DLGAP2: variants seen among roughly 807,000 people sequenced by gnomAD.
DLGAP2 encodes the protein DLG associated protein 2.
Under a neutral mutation model 100.3 loss-of-function variants are expected in DLGAP2, and 26 were observed. The observed-to-expected ratio is 0.26, with a 90% confidence interval of 0.19 to 0.36. The LOEUF (loss-of-function observed/expected upper bound fraction) is 0.36, where lower values mean the gene tolerates loss of function less well. DLGAP2 is among the 10% of genes least tolerant of loss of function. The pLI, the probability that DLGAP2 is intolerant of heterozygous loss-of-function variation, is 1.00. For synonymous variants in DLGAP2, 886 were observed against 630.1 expected (o/e 1.41, Z -6.08); for missense variants, 1,858 against 1,453.2 (o/e 1.28, Z -4.53).
chr8:908,558 A>G (rs1272644973), intron 2 of DLGAP2, among the ~76,000 whole-genome samples: 2 of 152,246 alleles, frequency 1.3e-5, no homozygotes, highest in East Asian at 3.8e-4. Flanking sequence ...TTAAGGAAAC[A>G]TGACGGAGAA....
At position 1,601,945 on chromosome 8, in the gene DLGAP2, G is replaced by GGTGTGTGTGTGTGTGTGT. The variant is rs55762722; in HGVS notation, c.1443-24777_1443-24760dup. On this transcript the variant is annotated intron_variant, in intron 6 of 14. Coordinates refer to ENST00000637795, the MANE Select transcript of DLGAP2 (RefSeq NM_001346810.2). ...TGATCCTAAAACCTTAATTTAACAG[G>GGTGTGTGTGTGTGTGTGT]GTGTGTGTGTGTGTGTGTGTGTGTG... Among the ~76,000 whole-genome samples, 235 of 146,346 alleles carry GGTGTGTGTGTGTGTGTGT rather than the reference G, an allele frequency of 1.6e-3. 2 individuals carry two copies. The highest frequency in any genetic ancestry group is 3.3e-3 in the Admixed American group (48 of 14,696).
chr8:1,309,535 C>T (rs1800565234), intron 3 of DLGAP2, among the ~76,000 whole-genome samples: 1 of 152,158 alleles, frequency 6.6e-6, no homozygotes, highest in African/African-American at 2.4e-5. Flanking sequence ...GGAAGTAAGA[C>T]ATTCCCAGAT....
intron 3 of DLGAP2, among the ~76,000 whole-genome samples, chr8:1,376,881 C>A (rs2129741069): frequency 6.6e-6 from 1 of 152,346 alleles, no homozygotes; most frequent in South Asian, 2.1e-4. Flanking sequence ...AGGAAATGGC[C>A]TCAGAGCAAG....
At chr8:813,064 A>G (rs553425001) in intron 1 of DLGAP2, among the ~76,000 whole-genome samples, 32 of 152,350 alleles carry the variant, frequency 2.1e-4, no homozygotes, top group African/African-American at 6.0e-4. Flanking sequence ...ATGCTTTGCT[A>G]TAGCTGCTTC....
intron 2 of DLGAP2, among the ~76,000 whole-genome samples, chr8:931,204 A>C (rs1798948189): frequency 6.6e-6 from 1 of 152,100 alleles, no homozygotes; most frequent in Non-Finnish European, 1.5e-5. Flanking sequence ...TGGTCCTGGG[A>C]CAGGCGGGTG....
chr8:1,191,325 C>T (rs933622935), intron 2 of DLGAP2, among the ~76,000 whole-genome samples: 6 of 152,014 alleles, frequency 3.9e-5, no homozygotes, highest in Admixed American at 1.3e-4. Flanking sequence ...CACCCGCCAC[C>T]ACGCCCGGCT....
At chr8:863,850 C>G (rs952269958) in intron 1 of DLGAP2, among the ~76,000 whole-genome samples, 1 of 152,202 alleles carries the variant, frequency 6.6e-6, no homozygotes, top group African/African-American at 2.4e-5. Context: ...AGCAATCCCA[C>G]TACTGGCTAC....
intron 3 of DLGAP2, among the ~76,000 whole-genome samples, chr8:1,345,035 C>A (rs1048480240): frequency 6.6e-6 from 1 of 152,198 alleles, no homozygotes; most frequent in Non-Finnish European, 1.5e-5. Flanking sequence ...ATTCATCTTT[C>A]AGAGGAATCA....
chr8:1,681,816 G>C (rs1384806369), intron 12 of DLGAP2, among the ~76,000 whole-genome samples: 1 of 152,196 alleles, frequency 6.6e-6, no homozygotes, highest in Non-Finnish European at 1.5e-5. Flanking sequence ...TTAAGATCTT[G>C]CCCCAAATCA....
At chr8:1,220,166 C>G (rs1798288924) in intron 2 of DLGAP2, among the ~76,000 whole-genome samples, 2 of 152,020 alleles carry the variant, frequency 1.3e-5, no homozygotes, top group African/African-American at 4.8e-5. Context: ...GTTAGGTTTG[C>G]TCTTGGTTTT....
chr8:1,195,937 A>T (rs1027379110), intron 2 of DLGAP2, among the ~76,000 whole-genome samples: 4 of 152,176 alleles, frequency 2.6e-5, no homozygotes, highest in African/African-American at 9.7e-5. Flanking sequence ...TTTTGTTTCA[A>T]CTTAATTAAT....
chr8:1,060,053 C>T (rs954893706), intron 2 of DLGAP2, among the ~76,000 whole-genome samples: 1 of 152,172 alleles, frequency 6.6e-6, no homozygotes, highest in African/African-American at 2.4e-5. Context: ...ATCTCAGGAC[C>T]TGAGTCTGGG....
intron 1 of DLGAP2, among the ~76,000 whole-genome samples, chr8:856,825 A>G (rs961962335): frequency 2.0e-5 from 3 of 152,232 alleles, no homozygotes; most frequent in Non-Finnish European, 4.4e-5. Flanking sequence ...CATTCAGCGC[A>G]GTCCCCATCA....
At chr8:1,666,642 T>C (rs970688303) in intron 8 of DLGAP2, among the ~76,000 whole-genome samples, 2 of 151,036 alleles carry the variant, frequency 1.3e-5, no homozygotes, top group African/African-American at 4.9e-5. Flanking sequence ...ATCGCCCCAC[T>C]GCACTCCAGC....
chr8:1,581,647 A>ACACAC (rs1479042049), intron 6 of DLGAP2, among the ~76,000 whole-genome samples: 3 of 151,912 alleles, frequency 2.0e-5, no homozygotes, highest in Non-Finnish European at 4.4e-5. Flanking sequence ...ACACACATCT[A>ACACAC]CACACCACAG....
At chr8:1,480,235 T>A (rs1258235845) in intron 3 of DLGAP2, among the ~76,000 whole-genome samples, 1 of 152,120 alleles carries the variant, frequency 6.6e-6, no homozygotes, top group Non-Finnish European at 1.5e-5. Flanking sequence ...AGGTTTTCAG[T>A]CTCCAAAAGC....
intron 3 of DLGAP2, among the ~76,000 whole-genome samples, chr8:1,441,699 A>G (rs1209639930): frequency 6.6e-6 from 1 of 151,600 alleles, no homozygotes; most frequent in African/African-American, 2.4e-5. Context: ...AAAAAAAAAA[A>G]AAAGTAAAAC....
intron 5 of DLGAP2, among the ~76,000 whole-genome samples, chr8:1,560,283 A>C (rs1802115208): frequency 6.6e-6 from 1 of 152,110 alleles, no homozygotes; most frequent in South Asian, 2.1e-4. Flanking sequence ...CCCCCTCATG[A>C]GCATCTTTTC....
intron 2 of DLGAP2, among the ~76,000 whole-genome samples, chr8:1,176,159 G>C (rs1423280674): frequency 6.6e-6 from 1 of 152,152 alleles, no homozygotes; most frequent in Admixed American, 6.5e-5. Context: ...AATTGTGGTG[G>C]AAGATGAAGG....
Sources: gnomAD v4.1 joint callset for allele counts (sites outside exome capture counted in the v4.1 genomes callset) on GRCh38, gnomAD v4.1.1 for gene constraint, MANE v1.5 for transcripts, NCBI Gene and HGNC (gene_info 2026-07-23, HGNC 2026-07-21) for gene names.